CDC42BPB: variants seen among roughly 807,000 people sequenced by gnomAD.
The protein encoded by CDC42BPB is serine/threonine-protein kinase MRCK beta.
Under a neutral mutation model 214.9 loss-of-function variants are expected in CDC42BPB, and 37 were observed. The observed-to-expected ratio is 0.17, with a 90% CI of 0.13 to 0.23. The LOEUF (loss-of-function observed/expected upper bound fraction) is 0.23. Ranked by LOEUF, CDC42BPB falls within the 10% of genes least tolerant of loss-of-function variation. The pLI is 1.00. For missense variants in CDC42BPB, 1,694 were observed against 2,227.0 expected, an observed-to-expected ratio of 0.76 and a Z score of 4.82; for synonymous variants, 931 against 884.0, an observed-to-expected ratio of 1.05 and a Z score of -0.94.
At chr14:102,950,768 C>A (rs1431755033) in intron 24 of CDC42BPB, 166 bp from the exon 25 acceptor site, 3 of 759,708 alleles carry the variant, frequency 3.9e-6, no homozygotes, top group East Asian at 1.3e-4. Flanking sequence ...CAGTTTGAGA[C>A]CAGCCTGGCC....
intron 4 of CDC42BPB, 193 bp from the exon 5 acceptor site, chr14:102,999,906 A>G (rs1894903108): frequency 1.0e-6 from 1 of 985,316 alleles, no homozygotes; most frequent in South Asian, 4.7e-5. Flanking sequence ...CGCCATCTTC[A>G]GGGGTGCATA....
chr14:102,945,122 C>T (rs565056807), intron 29 of CDC42BPB: 42 of 397,166 alleles, frequency 1.1e-4, no homozygotes, highest in African/African-American at 3.3e-4. Flanking sequence ...TCTCGCTCCA[C>T]GGCCATCACA....
At chr14:102,954,318 AT>A in intron 22 of CDC42BPB, 43 bp from the exon 23 acceptor site, 1 of 1,459,418 alleles carries the variant, frequency 6.9e-7, no homozygotes. Context: ...CCAGCTCAGC[AT>A]GGCTGAGACA....
intron 3 of CDC42BPB, among the ~76,000 whole-genome samples, chr14:103,005,926 A>G (rs891894065): frequency 5.7e-4 from 86 of 151,550 alleles, no homozygotes; most frequent in African/African-American, 1.8e-3. Flanking sequence ...AGGCTGAGGC[A>G]GAGAATCGTT....
chr14:102,978,340 T>A (rs945415324), intron 8 of CDC42BPB, 135 bp from the exon 9 acceptor site: 20 of 1,496,932 alleles, frequency 1.3e-5, no homozygotes, highest in Admixed American at 1.1e-4. Context: ...GATTCCATGG[T>A]GTCCTCTGCA....
At chr14:102,973,614 A>G (rs547530449) in intron 12 of CDC42BPB, among the ~76,000 whole-genome samples, 2 of 151,142 alleles carry the variant, frequency 1.3e-5, no homozygotes, top group East Asian at 3.9e-4. Flanking sequence ...ACCATGCCCT[A>G]TGCACAGCCA....
At chr14:103,053,552 G>C (rs934443636) in intron 1 of CDC42BPB, among the ~76,000 whole-genome samples, 8 of 151,772 alleles carry the variant, frequency 5.3e-5, no homozygotes, top group South Asian at 2.1e-4. Context: ...ACGAGGTCTG[G>C]AGATCGAGAC....
At chr14:102,947,952 A>G in intron 26 of CDC42BPB, 150 bp from the exon 27 acceptor site, 1 of 1,481,386 alleles carries the variant, frequency 6.8e-7, no homozygotes, top group Non-Finnish European at 8.9e-7. Flanking sequence ...GATGTAAGAA[A>G]CACGGGCAGG....
rs1004313922 is a variant in CDC42BPB at position 102,932,826 on chromosome 14, G to A, written c.*886C>T. The A allele has an allele frequency of 6.9e-6, 1 of 145,354 alleles. No individual in the cohort carries two copies. Among genetic ancestry groups the A allele is most frequent in the Non-Finnish European group, 1.5e-5 (1 of 66,290 alleles). 9.0% of individuals were successfully genotyped at this position (145,354 alleles called of 1,614,324 possible). ...AGGAGTGTGTTGGGTGGGTCTACGT[G>A]ATCATACGGGCTACTAATCACGGGG... On this transcript the variant is annotated 3_prime_UTR_variant, in exon 37 of 37. Coordinates refer to ENST00000361246, the MANE Select transcript of CDC42BPB (RefSeq NM_006035.4).
intron 1 of CDC42BPB, among the ~76,000 whole-genome samples, chr14:103,056,722 G>T (rs1297409813): frequency 6.6e-6 from 1 of 151,922 alleles, no homozygotes; most frequent in East Asian, 1.9e-4. Context: ...CAAGGGGCAG[G>T]ATGAGGGGGC....
intron 1 of CDC42BPB, among the ~76,000 whole-genome samples, chr14:103,040,686 A>G (rs543539249): frequency 2.0e-5 from 3 of 151,992 alleles, no homozygotes; most frequent in Non-Finnish European, 4.4e-5. Flanking sequence ...TTGAACTCCT[A>G]ACCTCAGGTG....
intron 2 of CDC42BPB, among the ~76,000 whole-genome samples, chr14:103,011,761 A>G (rs1034890517): frequency 1.3e-5 from 2 of 152,178 alleles, no homozygotes; most frequent in African/African-American, 4.8e-5. Context: ...AAAAACAAAA[A>G]AAACTACATC....
chr14:103,039,129 T>C (rs1887838428), intron 1 of CDC42BPB, among the ~76,000 whole-genome samples: 1 of 150,486 alleles, frequency 6.6e-6, no homozygotes, highest in Admixed American at 6.6e-5. Flanking sequence ...ATTGAACTAG[T>C]AATCAAAAAA....
intron 1 of CDC42BPB, among the ~76,000 whole-genome samples, chr14:103,051,149 T>TGGGGCGGGGGGGGGGGGG: frequency 2.4e-4 from 1 of 4,184 alleles, no homozygotes; most frequent in African/African-American, 7.5e-4. Flanking sequence ...CTAGTGTATT[T>TGGGGCGGGGGGGGGGGGG]GGGGCGGGGG....
chr14:103,019,529 C>T (rs539891672), intron 1 of CDC42BPB, among the ~76,000 whole-genome samples: 2 of 152,342 alleles, frequency 1.3e-5, no homozygotes, highest in African/African-American at 2.4e-5. Flanking sequence ...GGACCTGCCA[C>T]GCTGACAGGA....
intron 1 of CDC42BPB, among the ~76,000 whole-genome samples, chr14:103,034,522 G>C (rs1887559610): frequency 6.6e-6 from 1 of 152,122 alleles, no homozygotes; most frequent in African/African-American, 2.4e-5. Context: ...GTTAAGAAAA[G>C]GGAGGTAGAG....
chr14:102,959,094 C>T (rs1223351346), intron 21 of CDC42BPB, among the ~76,000 whole-genome samples: 8 of 151,882 alleles, frequency 5.3e-5, no homozygotes, highest in African/African-American at 1.4e-4. Context: ...GTCAGGAGTT[C>T]GAGACCAGCC....
chr14:102,932,872 T>TGG lies in CDC42BPB; in HGVS notation c.*838_*839dup, dbSNP rs1487089859. On this transcript the variant is annotated 3_prime_UTR_variant, in exon 37 of 37. Coordinates refer to ENST00000361246, the MANE Select transcript of CDC42BPB (RefSeq NM_006035.4). ...CGGGGGCTCCATGCGGGGGCAGGAC[T>TGG]GGTGGGGGGGGGGGCGGGCAGGGCG... 1.1e-4 allele frequency: 1 copy of TGG among 9,138 alleles called. No homozygotes were observed. 0.6% of individuals were successfully genotyped at this position (9,138 alleles called of 1,614,324 possible).
chr14:102,945,969 C>T (rs1477116278), intron 28 of CDC42BPB, among the ~76,000 whole-genome samples: 1 of 152,076 alleles, frequency 6.6e-6, no homozygotes, highest in Non-Finnish European at 1.5e-5. Flanking sequence ...CTGGAGCTGA[C>T]CCTCAGGCTT....
Sources: gnomAD v4.1 joint callset for allele counts (sites outside exome capture counted in the v4.1 genomes callset) on GRCh38, gnomAD v4.1.1 for gene constraint, MANE v1.5 for transcripts, NCBI Gene and HGNC (gene_info 2026-07-23, HGNC 2026-07-21) for gene names.